The following JAZF1 variants were observed in gnomAD, a reference collection of about 807,000 sequenced individuals.
The protein encoded by JAZF1 is JAZF zinc finger 1, also known as juxtaposed with another zinc finger protein 1.
A neutral mutation model predicts 26.4 loss-of-function variants in JAZF1; 8 were observed. That is an observed-to-expected ratio of 0.30 (90% CI 0.18 to 0.55). The LOEUF (loss-of-function observed/expected upper bound fraction) is 0.55, where lower values mean the gene tolerates loss of function less well. Ranked by LOEUF, JAZF1 falls within the 20% of genes least tolerant of loss-of-function variation. The pLI is 0.94. For synonymous variants in JAZF1, 126 were observed against 122.3 expected (o/e 1.03, Z -0.20); for missense variants, 199 against 322.0 (o/e 0.62, Z 2.92).
chr7:27,937,378 T>C (rs1018725765), intron 2 of JAZF1, among the ~76,000 whole-genome samples: 1 of 152,344 alleles, frequency 6.6e-6, no homozygotes, highest in South Asian at 2.1e-4. Flanking sequence ...CCAGTATGAA[T>C]AGCTCCTCCA....
At chr7:28,122,782 T>C (rs996077202) in intron 1 of JAZF1, among the ~76,000 whole-genome samples, 2 of 152,070 alleles carry the variant, frequency 1.3e-5, no homozygotes, top group Non-Finnish European at 2.9e-5. Flanking sequence ...AGCCCCTCCA[T>C]AGTTATAGGG....
chr7:28,168,158 G>A (rs1470042975), intron 1 of JAZF1, among the ~76,000 whole-genome samples: 1 of 152,070 alleles, frequency 6.6e-6, no homozygotes, highest in Non-Finnish European at 1.5e-5. Flanking sequence ...CGAGGCGGGT[G>A]GATCATGAGG....
chr7:28,040,709 C>G (rs1370784665), intron 1 of JAZF1, among the ~76,000 whole-genome samples: 2 of 152,044 alleles, frequency 1.3e-5, no homozygotes, highest in African/African-American at 4.8e-5. Flanking sequence ...TTTAGATACC[C>G]ACTTAAAAGA....
intron 1 of JAZF1, among the ~76,000 whole-genome samples, chr7:28,031,596 G>A (rs964666406): frequency 6.6e-6 from 1 of 152,144 alleles, no homozygotes; most frequent in Non-Finnish European, 1.5e-5. Context: ...TTTTCACTTA[G>A]AAAATGGGCT....
In JAZF1 at chr7:27,965,340, G is replaced by T. The variant is rs148789618; in HGVS notation, c.188+26569C>A. ...AAACTGGTGACAGGTATTAAAAGAA[G>T]ATCTGAACATGTTTATTTTTATAGT... On this transcript the variant is annotated intron_variant, in intron 2 of 4. Coordinates refer to ENST00000283928, the MANE Select transcript of JAZF1 (RefSeq NM_175061.4). Among the ~76,000 whole-genome samples, 254 of 152,282 alleles carry T rather than the reference G, an allele frequency of 1.7e-3. 1 individual carries two copies. The highest frequency in any genetic ancestry group is 4.7e-3 in the African/African-American group (194 of 41,554).
Position 27,970,100 on chromosome 7 carries a change from C to A in JAZF1, c.188+21809G>T, listed in dbSNP as rs75716372. On this transcript the variant is annotated intron_variant, in intron 2 of 4. Coordinates refer to ENST00000283928, the MANE Select transcript of JAZF1 (RefSeq NM_175061.4). ...AAATGACTTTGTAATAAACTAGACA[C>A]CTGGAAGTATCTGTGCAAGTTCTTT... Among the ~76,000 whole-genome samples, 801 of 152,138 alleles carry A rather than the reference C, an allele frequency of 5.3e-3. 9 individuals carry two copies. Among genetic ancestry groups the A allele is most frequent in the African/African-American group, 0.018 (761 of 41,518 alleles).
chr7:28,034,008 G>T (rs2128375487), intron 1 of JAZF1, among the ~76,000 whole-genome samples: 1 of 152,224 alleles, frequency 6.6e-6, no homozygotes, highest in Non-Finnish European at 1.5e-5. Flanking sequence ...CTCCCAAAGT[G>T]CTGGGATTAC....
chr7:27,920,782 A>T lies in JAZF1; in HGVS notation c.189-25366T>A, dbSNP rs527712464. 2.6e-5 allele frequency among the ~76,000 whole-genome samples: 4 copies of T among 152,290 alleles called. No individual in the cohort carries two copies. In the East Asian group the frequency reaches 7.7e-4, roughly 29 times the overall value. On this transcript the variant is annotated intron_variant, in intron 2 of 4. Transcript: ENST00000283928. ...TGCTAAGATAAATTACCATAATATA[A>T]TGATTGAAGGGAAAATATATGGTGT... is the stretch of plus-strand genomic sequence containing the variant.
chr7:27,858,932 G>A (rs1422963099), intron 3 of JAZF1, among the ~76,000 whole-genome samples: 2 of 152,134 alleles, frequency 1.3e-5, no homozygotes, highest in Non-Finnish European at 2.9e-5. Flanking sequence ...TATCATCAGA[G>A]TGAACAGGAA....
intron 1 of JAZF1, among the ~76,000 whole-genome samples, chr7:28,163,687 C>T (rs755797020): frequency 1.3e-5 from 2 of 152,210 alleles, no homozygotes; most frequent in Non-Finnish European, 2.9e-5. Context: ...CCCAATTTCC[C>T]TGCCTGAAAT....
intron 2 of JAZF1, among the ~76,000 whole-genome samples, chr7:27,902,840 C>A (rs931641853): frequency 6.6e-6 from 1 of 151,942 alleles, no homozygotes; most frequent in Non-Finnish European, 1.5e-5. Context: ...CACAGTGAAA[C>A]CCCATCTCTA....
intron 1 of JAZF1, among the ~76,000 whole-genome samples, chr7:28,118,640 T>G (rs1322394520): frequency 6.6e-6 from 1 of 152,214 alleles, no homozygotes; most frequent in Non-Finnish European, 1.5e-5. Flanking sequence ...TGTATTTCAT[T>G]ACTAATTCTA....
intron 1 of JAZF1, among the ~76,000 whole-genome samples, chr7:28,156,707 G>C (rs560372804): frequency 6.6e-6 from 1 of 152,278 alleles, no homozygotes; most frequent in African/African-American, 2.4e-5. Flanking sequence ...TTGAGAATCT[G>C]CACATCTAAT....
chr7:27,960,880 A>G (rs1383979517), intron 2 of JAZF1, among the ~76,000 whole-genome samples: 1 of 152,216 alleles, frequency 6.6e-6, no homozygotes, highest in Non-Finnish European at 1.5e-5. Flanking sequence ...AGGTGGGCAG[A>G]ACAGACAACA....
At chr7:27,937,685 A>ATAGC (rs1406898947) in intron 2 of JAZF1, among the ~76,000 whole-genome samples, 1 of 152,238 alleles carries the variant, frequency 6.6e-6, no homozygotes, top group African/African-American at 2.4e-5. Context: ...GATGTATAAC[A>ATAGC]ACAGAATCAA....
intron 2 of JAZF1, among the ~76,000 whole-genome samples, chr7:27,902,295 A>T (rs748633337): frequency 1.3e-5 from 2 of 152,254 alleles, no homozygotes; most frequent in Non-Finnish European, 2.9e-5. Flanking sequence ...AAGACATTTT[A>T]ATATAAATAT....
At chr7:28,004,315 T>C (rs1204924147) in intron 1 of JAZF1, among the ~76,000 whole-genome samples, 2 of 151,946 alleles carry the variant, frequency 1.3e-5, no homozygotes, top group Non-Finnish European at 2.9e-5. Context: ...TTGTCTCCTG[T>C]GGTTTCAGCC....
At chr7:27,985,995 C>G (rs1429790679) in intron 2 of JAZF1, among the ~76,000 whole-genome samples, 2 of 152,186 alleles carry the variant, frequency 1.3e-5, no homozygotes, top group South Asian at 4.2e-4. Flanking sequence ...GACAAACCCA[C>G]AGCCAATATC....
chr7:27,976,636 A>G (rs1340901206), intron 2 of JAZF1, among the ~76,000 whole-genome samples: 1 of 152,170 alleles, frequency 6.6e-6, no homozygotes, highest in African/African-American at 2.4e-5. Context: ...GAAAATAGGA[A>G]GGCATGCCTT....
Sources: allele counts gnomAD v4.1 joint callset (sites outside exome capture counted in the v4.1 genomes callset), GRCh38; gene constraint gnomAD v4.1.1; transcripts MANE v1.5; gene names NCBI Gene and HGNC (gene_info 2026-07-23, HGNC 2026-07-21).